The following RTN2 variants were observed in gnomAD, a reference collection of about 807,000 sequenced individuals.
RTN2 encodes the protein reticulon-2.
Under a neutral mutation model 63.7 loss-of-function variants are expected in RTN2, and 36 were observed. The observed-to-expected ratio is 0.56, with a 90% CI of 0.43 to 0.75. The LOEUF is 0.75. Ranked by LOEUF, RTN2 falls within the 30% of genes least tolerant of loss-of-function variation. The probability of loss-of-function intolerance (pLI) is 0.00; values close to 1 mark genes in which losing one functional copy is unlikely to be tolerated. For missense variants in RTN2, 673 were observed against 705.1 expected (o/e 0.95, Z 0.52); for synonymous variants, 312 against 313.0 (o/e 1.00, Z 0.03).
At chr19:45,489,190 G>A in intron 6 of RTN2, 156 bp downstream of exon 6, 1 of 883,648 alleles carries the variant, frequency 1.1e-6, no homozygotes, top group Non-Finnish European at 1.7e-6. Context: ...ACCAGGTTAG[G>A]ATCAGAGATT....
intron 6 of RTN2, 118 bp downstream of exon 6, chr19:45,489,228 G>A: frequency 3.9e-6 from 4 of 1,013,110 alleles, no homozygotes; most frequent in Non-Finnish European, 5.8e-6. Context: ...TAGGGGATCG[G>A]GATGAAAAAT....
chr19:45,488,749 C>T, intron 7 of RTN2, 43 bp from the exon 8 acceptor site: 1 of 1,605,466 alleles, frequency 6.2e-7, no homozygotes. Flanking sequence ...CCGGGAATTC[C>T]CTCTCATGCT....
At position 45,495,199 on chromosome 19, in the gene RTN2, G is replaced by A; in HGVS notation, c.35-60C>T. 8 of 1,580,412 alleles carry A rather than the reference G, an allele frequency of 5.1e-6. No individual in the cohort carries two copies. In the South Asian group the frequency reaches 7.8e-5, roughly 15 times the overall value. ...CTTAGACTGTCCGAATCACAGAAGT[G>A]TCCCAGTCCTGGAATCTTAGAATAT... On this transcript the variant is annotated intron_variant, in intron 1 of 10. Coordinates refer to ENST00000245923, the MANE Select transcript of RTN2 (RefSeq NM_005619.5).
Position 45,485,622 on chromosome 19 carries a change from G to T in RTN2, c.*86C>A. The T allele has an allele frequency of 9.3e-7, 1 of 1,077,782 alleles. No homozygotes were observed. Among genetic ancestry groups the T allele is most frequent in the Non-Finnish European group, 1.4e-6 (1 of 707,830 alleles). 66.8% of individuals were successfully genotyped at this position (1,077,782 alleles called of 1,614,324 possible). A position where few individuals can be genotyped will look rare whatever the true frequency, so the allele number is the denominator to read the frequency against. On this transcript the variant is annotated 3_prime_UTR_variant, in exon 11 of 11. Coordinates refer to ENST00000245923, the MANE Select transcript of RTN2 (RefSeq NM_005619.5). ...GGGAAAAGGCTCGGGCCGAGGAGGG[G>T]GGTGGGTGGGAACGGACAAGAGATG...
intron 9 of RTN2, among the ~76,000 whole-genome samples, chr19:45,487,587 T>TTC (rs1968053832): frequency 7.0e-6 from 1 of 142,366 alleles, no homozygotes; most frequent in African/African-American, 2.6e-5. Flanking sequence ...TTTTTGGTTT[T>TTC]TTTTTTTTTT....
At chr19:45,487,582 GGTT>G (rs1968051955) in intron 9 of RTN2, among the ~76,000 whole-genome samples, 2 of 121,308 alleles carry the variant, frequency 1.6e-5, no homozygotes, top group African/African-American at 6.2e-5. Flanking sequence ...TTTATTTTTT[GGTT>G]TTTTTTTTTT....
At position 45,489,473 on chromosome 19, in the gene RTN2, G is replaced by A; in HGVS notation, c.1114C>T (p.Leu372=). 1 of 1,612,954 alleles carries A rather than the reference G, an allele frequency of 6.2e-7. No individual in the cohort carries two copies. Among genetic ancestry groups the A allele is most frequent in the Non-Finnish European group, 8.5e-7 (1 of 1,179,572 alleles). Reference sequence around the variant, plus strand: ...GCCACGGACACGATGCTAAAGTGCAGGAGGCAGAGGAGGGAGACCATCAGG... The same window carrying A: ...GCCACGGACACGATGCTAAAGTGCAAGAGGCAGAGGAGGGAGACCATCAGG... ...TGLMVSLLCL[L]HFSIVSVAAH... The change falls in exon 6 of 11, where the codon CTG becomes TTG. Residue 372 remains leucine (L), a synonymous_variant. Transcript: ENST00000245923.
At position 45,496,962 on chromosome 19, in the gene RTN2, AGCCGCCGCC is replaced by A. The variant is rs3038807; in HGVS notation, c.-146_-138del. On this transcript the variant is annotated 5_prime_UTR_variant, in exon 1 of 11. Transcript: ENST00000245923. ...CCGCCTCCTCCTCCCGGGCTGCTCC[AGCCGCCGCC>A]GCCGCCGCCGCCGCCGCCGCCGCCC... is the stretch of plus-strand genomic sequence containing the variant. 0.095 allele frequency: 31,935 copies of A among 336,046 alleles called. 1,913 individuals are homozygous for A. The highest frequency in any genetic ancestry group is 0.15 in the East Asian group (2,598 of 17,834). 20.8% of individuals were successfully genotyped at this position (336,046 alleles called of 1,614,324 possible).
rs758567861 is a variant in RTN2 at position 45,485,696 on chromosome 19, G to A, written c.*12C>T. ...GCTGGGGGCAGGCGTCCTGCGGGCAGAGACACCGTTCTCATTCGGCTTTGG... is the reference window on the plus strand; with the variant it reads ...GCTGGGGGCAGGCGTCCTGCGGGCAAAGACACCGTTCTCATTCGGCTTTGG... On this transcript the variant is annotated 3_prime_UTR_variant, in exon 11 of 11. Coordinates refer to ENST00000245923, the MANE Select transcript of RTN2 (RefSeq NM_005619.5). The A allele has an allele frequency of 6.2e-7, 1 of 1,611,732 alleles. No individual in the cohort carries two copies. Among genetic ancestry groups the A allele is most frequent in the South Asian group, 1.1e-5 (1 of 91,044 alleles).
intron 9 of RTN2, among the ~76,000 whole-genome samples, chr19:45,488,056 C>T (rs1968066839): frequency 1.3e-5 from 2 of 152,036 alleles, no homozygotes; most frequent in Non-Finnish European, 2.9e-5. Context: ...AGTTTGAGAC[C>T]AGCCTGGCCA....
At position 45,493,293 on chromosome 19, in the gene RTN2, C is replaced by A. The variant is rs1381456974; in HGVS notation, c.900G>T (p.Trp300Cys). The A allele has an allele frequency of 6.2e-7, 1 of 1,612,738 alleles. No individual in the cohort carries two copies. The highest frequency in any genetic ancestry group is 1.7e-4 in the Middle Eastern group (1 of 6,050). ...CCCTTTGGACCCAGCCAATGGCTGT[C>A]CACAGAGGTGGGGACAATTCCAAAA... is the stretch of plus-strand genomic sequence containing the variant. Reference protein sequence around the residue: ...VPILELSPPLWTAIGWVQRGP... With the variant: ...VPILELSPPLCTAIGWVQRGP... Residue 300 changes from tryptophan (W) to cysteine (C), a missense_variant, in exon 5 of 11, where the codon TGG (tryptophan) becomes TGT (cysteine). By Grantham distance (215) the Trp-to-Cys change is radical (BLOSUM62 -2). Transcript: ENST00000245923.
At chr19:45,495,509 T>A (rs1968252275) in intron 1 of RTN2, among the ~76,000 whole-genome samples, 1 of 151,982 alleles carries the variant, frequency 6.6e-6, no homozygotes, top group Non-Finnish European at 1.5e-5. Context: ...AGACAAACAA[T>A]AAACAAGTGA....
rs74368484 is a variant in RTN2, at chr19:45,488,945, G to T, written c.1283C>A (p.Thr428Lys). The change falls in exon 7 of 11, where the codon ACG (threonine) becomes AAG (lysine). Residue 428 changes from threonine to lysine, a missense_variant. Physicochemically the swap from Thr to Lys is moderately conservative, Grantham distance 78. Transcript: ENST00000245923. ...GGTGATCTGGTGGGACAAACGTTCC[G>T]TCTGCTCCCGAGTCAGGGTGAGGTC... ...DVDLTLTREQ[T>K]ERLSHQITSR... is the part of the protein sequence containing the mutation. 47 of 1,611,590 alleles carry T rather than the reference G, an allele frequency of 2.9e-5. No homozygotes were observed. The highest frequency in any genetic ancestry group is 1.9e-5 in the Non-Finnish European group (22 of 1,179,082).
chr19:45,485,631 G>T lies in RTN2; in HGVS notation c.*77C>A. 2.5e-6 allele frequency: 3 copies of T among 1,201,536 alleles called. No homozygotes were observed. Among genetic ancestry groups the T allele is most frequent in the South Asian group, 2.4e-5 (2 of 82,604 alleles). The allele number at this position is 1,201,536 out of a possible 1,614,324, so 74.4% of individuals were successfully genotyped here. A position where few individuals can be genotyped will look rare whatever the true frequency, so the allele number is the denominator to read the frequency against. ...CTCGGGCCGAGGAGGGGGGTGGGTGGGAACGGACAAGAGATGGAGGGGGCC... is the reference window on the plus strand; with the variant it reads ...CTCGGGCCGAGGAGGGGGGTGGGTGTGAACGGACAAGAGATGGAGGGGGCC... On this transcript the variant is annotated 3_prime_UTR_variant, in exon 11 of 11. Transcript: ENST00000245923.
Position 45,494,684 on chromosome 19 carries a change from T to A in RTN2, c.401A>T (p.Glu134Val). ...RGDPDTAPPS[E>V]RPLEDLRLRL... ...AAGCCTCAGGTCTTCCAGAGGGCGC[T>A]CGGATGGAGGCGCGGTGTCAGGATC... is the stretch of plus-strand genomic sequence containing the variant. The change falls in exon 3 of 11, where the codon GAG (glutamate) becomes GTG (valine). Residue 134 changes from glutamate to valine, a missense_variant. By Grantham distance (121) the Glu-to-Val change is moderately radical. Transcript: ENST00000245923. The surrounding 1 kb of genome is among the most constrained non-coding windows in gnomAD (Gnocchi z 5.3). The A allele has an allele frequency of 6.2e-7, 1 of 1,613,660 alleles. No homozygotes were observed. The highest frequency in any genetic ancestry group is 8.5e-7 in the Non-Finnish European group (1 of 1,179,964).
At position 45,493,353 on chromosome 19, in the gene RTN2, T is replaced by A. The variant is rs1230813885; in HGVS notation, c.840A>T (p.Thr280=). 1 of 1,609,590 alleles carries A rather than the reference T, an allele frequency of 6.2e-7. No homozygotes were observed. The highest frequency in any genetic ancestry group is 1.7e-5 in the Admixed American group (1 of 57,850). The change falls in exon 5 of 11, where the codon ACA becomes ACT. Residue 280 remains threonine, a synonymous_variant. Transcript: ENST00000245923. ...LLGTAMEWLK[T]SLLLAVYKTV... is the part of the protein sequence containing the mutation. Reference sequence around the variant, plus strand: ...TCTTGTAAACAGCCAAAAGCAATGATGTCTTTAACCATTCCATAGCTGTTC... The same window carrying A: ...TCTTGTAAACAGCCAAAAGCAATGAAGTCTTTAACCATTCCATAGCTGTTC...
chr19:45,490,433 G>A (rs1968129942), intron 5 of RTN2, among the ~76,000 whole-genome samples: 1 of 152,072 alleles, frequency 6.6e-6, no homozygotes, highest in South Asian at 2.1e-4. Context: ...ACCGCAAGCA[G>A]GGCTGCAAGC....
intron 1 of RTN2, among the ~76,000 whole-genome samples, chr19:45,496,401 A>G (rs1968268833): frequency 6.6e-6 from 1 of 152,226 alleles, no homozygotes; most frequent in African/African-American, 2.4e-5. Flanking sequence ...ATGCGAAGGC[A>G]AGTGATTGGG....
rs1285257260 is a variant in RTN2, at chr19:45,493,932, C to G, written c.814+234G>C. On this transcript the variant is annotated intron_variant, in intron 4 of 10. Transcript: ENST00000245923. ...CTCGAACTCCTCACCTCAAGTGATC[C>G]GCCCGCCTCGGCCTCCCAAAGGGCT... 7 of 540,984 alleles carry G rather than the reference C, an allele frequency of 1.3e-5. No individual in the cohort carries two copies. In the East Asian group the frequency reaches 2.1e-4, roughly 16 times the overall value. The allele number at this position is 540,984 out of a possible 1,614,324, so 33.5% of individuals were successfully genotyped here.
Sources: allele counts gnomAD v4.1 joint callset (sites outside exome capture counted in the v4.1 genomes callset), GRCh38; gene constraint gnomAD v4.1.1; non-coding constraint Gnocchi (gnomAD v3.1); transcripts MANE v1.5; gene names NCBI Gene and HGNC (gene_info 2026-07-23, HGNC 2026-07-21).